Variants in PHF20 observed in about 807,000 individuals in gnomAD.
PHF20 encodes the protein PHD finger protein 20, also known as glioma-expressed antigen 2.
In PHF20, 23 loss-of-function variants were observed where a neutral mutation model predicts 113.5. The observed-to-expected ratio is 0.20, with a 90% CI of 0.15 to 0.29. PHF20 has a LOEUF of 0.29. Among genes scored for constraint, PHF20 ranks in the 10% least tolerant of loss-of-function variants. The pLI is 1.00. For missense variants in PHF20, 943 were observed against 1,219.6 expected, an observed-to-expected ratio of 0.77 and a Z score of 3.38; for synonymous variants, 434 against 457.3, an observed-to-expected ratio of 0.95 and a Z score of 0.65.
chr20:35,931,544 T>A lies in PHF20; in HGVS notation c.2300+100T>A. 4 of 859,462 alleles carry A rather than the reference T, an allele frequency of 4.7e-6. No homozygotes were observed. In the South Asian group the frequency reaches 6.3e-5, roughly 14 times the overall value. 53.2% of individuals were successfully genotyped at this position (859,462 alleles called of 1,614,324 possible). On this transcript the variant is annotated intron_variant, in intron 15 of 17. Coordinates refer to ENST00000374012, the MANE Select transcript of PHF20 (RefSeq NM_016436.5). ...GAAAGCTACCAAAGCAATCAAATCA[T>A]AAAACTGAGTTTGAGACCTTTACTA...
intron 1 of PHF20, among the ~76,000 whole-genome samples, chr20:35,789,965 C>T (rs1181647937): frequency 6.6e-6 from 1 of 151,596 alleles, no homozygotes; most frequent in Non-Finnish European, 1.5e-5. Flanking sequence ...GGCAATTCTC[C>T]TGCCTCAGCC....
intron 4 of PHF20, among the ~76,000 whole-genome samples, chr20:35,851,946 G>GT (rs1246324015): frequency 6.6e-6 from 1 of 151,838 alleles, no homozygotes; most frequent in African/African-American, 2.4e-5. Flanking sequence ...TCAATGTGCT[G>GT]TGCTTCCCTT....
At position 35,949,360 on chromosome 20, in the gene PHF20, G is replaced by A. The variant is rs1458091502; in HGVS notation, c.*1733G>A. 1.3e-5 allele frequency: 2 copies of A among 152,670 alleles called. No individual in the cohort carries two copies. Among genetic ancestry groups the A allele is most frequent in the Admixed American group, 6.5e-5 (1 of 15,286 alleles). The allele number at this position is 152,670 out of a possible 1,614,324, so 9.5% of individuals were successfully genotyped here. ...CTTTCTGTAGCCACACCTGTGAGGC[G>A]TGATGATTGTTGTATTATTAGATTA... is the stretch of plus-strand genomic sequence containing the variant. On this transcript the variant is annotated 3_prime_UTR_variant, in exon 18 of 18. Transcript: ENST00000374012.
chr20:35,930,461 G>A (rs2147112941), intron 14 of PHF20, among the ~76,000 whole-genome samples: 1 of 152,126 alleles, frequency 6.6e-6, no homozygotes, highest in African/African-American at 2.4e-5. Context: ...AGTAGCAGAA[G>A]GCCCCACTCC....
chr20:35,857,746 C>T (rs897868821), intron 4 of PHF20, among the ~76,000 whole-genome samples: 13 of 151,634 alleles, frequency 8.6e-5, no homozygotes, highest in South Asian at 2.1e-4. Context: ...CCACCAAGCG[C>T]GGCTAATTTT....
chr20:35,870,530 T>TA (rs1289678793), intron 7 of PHF20, among the ~76,000 whole-genome samples: 1 of 151,800 alleles, frequency 6.6e-6, no homozygotes, highest in Non-Finnish European at 1.5e-5. Flanking sequence ...TTTAAAAAAA[T>TA]ACCCTCTGGA....
intron 1 of PHF20, among the ~76,000 whole-genome samples, chr20:35,787,608 C>T (rs974909932): frequency 2.7e-5 from 4 of 150,156 alleles, no homozygotes; most frequent in Admixed American, 2.0e-4. Context: ...CCTGCCTCAG[C>T]CTCCCAAGTA....
chr20:35,941,197 C>T, intron 17 of PHF20, 150 bp downstream of exon 17: 1 of 605,030 alleles, frequency 1.7e-6, no homozygotes. Flanking sequence ...CCATTCTCCC[C>T]TCAGGATGGA....
intron 5 of PHF20, among the ~76,000 whole-genome samples, chr20:35,862,241 G>A (rs2054230988): frequency 6.6e-6 from 1 of 152,160 alleles, no homozygotes; most frequent in Admixed American, 6.6e-5. Context: ...CTGGTTCTGG[G>A]TTGGATAATC....
At chr20:35,804,033 A>G (rs1429991070) in intron 2 of PHF20, among the ~76,000 whole-genome samples, 1 of 151,586 alleles carries the variant, frequency 6.6e-6, no homozygotes, top group Non-Finnish European at 1.5e-5. Context: ...GTATGAATAT[A>G]CCACATTTTG....
At chr20:35,873,615 C>T (rs1217681277) in intron 9 of PHF20, among the ~76,000 whole-genome samples, 1 of 151,648 alleles carries the variant, frequency 6.6e-6, no homozygotes, top group Admixed American at 6.6e-5. Context: ...ATTATAGGCA[C>T]CCACCACCAC....
Position 35,947,547 on chromosome 20 carries a change from C to T in PHF20, c.2959C>T (p.Pro987Ser), listed in dbSNP as rs775261403. 20 of 1,614,118 alleles carry T rather than the reference C, an allele frequency of 1.2e-5. No homozygotes were observed. Among genetic ancestry groups the T allele is most frequent in the East Asian group, 2.2e-5 (1 of 44,884 alleles). The change falls in exon 18 of 18, where the codon CCG (proline) becomes TCG (serine). Residue 987 changes from proline to serine, a missense_variant. Coordinates refer to ENST00000374012, the MANE Select transcript of PHF20 (RefSeq NM_016436.5). ...GCCCCCTGAGCCGCTGGCCAGGCTT[C>T]CGCAGCTCAAGCATTGTATCAAGCA... The part of the protein sequence containing the change: ...LEPPEPLARL[P>S]QLKHCIKQLL...
chr20:35,885,071 T>G (rs1249321014), intron 9 of PHF20, among the ~76,000 whole-genome samples: 1 of 152,170 alleles, frequency 6.6e-6, no homozygotes, highest in African/African-American at 2.4e-5. Flanking sequence ...TGACCTCAAG[T>G]GATCTACCCA....
chr20:35,860,065 T>C (rs76510402), intron 5 of PHF20, among the ~76,000 whole-genome samples: 2 of 152,100 alleles, frequency 1.3e-5, no homozygotes, highest in Non-Finnish European at 2.9e-5. Context: ...ATTACAGGCA[T>C]GTGCCACTAC....
intron 2 of PHF20, among the ~76,000 whole-genome samples, chr20:35,817,340 C>T (rs757113192): frequency 1.1e-4 from 16 of 152,130 alleles, no homozygotes; most frequent in African/African-American, 2.9e-4. Flanking sequence ...GCCCCTGCCA[C>T]GGCGCCCAGC....
At chr20:35,806,198 T>C (rs2041878478) in intron 2 of PHF20, among the ~76,000 whole-genome samples, 2 of 144,692 alleles carry the variant, frequency 1.4e-5, no homozygotes, top group Admixed American at 1.4e-4. Flanking sequence ...TCTCACTCTG[T>C]TGCCTAGGCT....
intron 9 of PHF20, among the ~76,000 whole-genome samples, chr20:35,892,287 C>T (rs2054888283): frequency 7.2e-6 from 1 of 138,062 alleles, no homozygotes; most frequent in Non-Finnish European, 1.5e-5. Context: ...GTTGGTCAGG[C>T]TGGTCTTGAA....
intron 15 of PHF20, among the ~76,000 whole-genome samples, chr20:35,931,718 C>T (rs1360694651): frequency 6.6e-6 from 1 of 152,056 alleles, no homozygotes; most frequent in African/African-American, 2.4e-5. Context: ...TTTGGGAGGC[C>T]GAGGTAGGCG....
intron 2 of PHF20, among the ~76,000 whole-genome samples, chr20:35,840,292 T>A (rs910396668): frequency 6.6e-6 from 1 of 152,166 alleles, no homozygotes; most frequent in Non-Finnish European, 1.5e-5. Context: ...TACCTTTATA[T>A]AGTTGAAATA....
Sources: gnomAD v4.1 joint callset for allele counts (sites outside exome capture counted in the v4.1 genomes callset) on GRCh38, gnomAD v4.1.1 for gene constraint, MANE v1.5 for transcripts, NCBI Gene and HGNC (gene_info 2026-07-23, HGNC 2026-07-21) for gene names.